The following WDR19 variants were observed in gnomAD, a reference collection of about 807,000 sequenced individuals.
WDR19 encodes the protein WD repeat domain 19.
In WDR19, 121 loss-of-function variants were observed where a neutral mutation model predicts 180.0. The ratio of observed to expected loss-of-function variants is 0.67; its 90% CI spans 0.58 to 0.78. WDR19 has a LOEUF of 0.78. WDR19 is among the 30% of genes least tolerant of loss of function. The pLI is 0.00. For synonymous variants in WDR19, 497 were observed against 540.7 expected (o/e 0.92, Z 1.12); for missense variants, 1,450 against 1,640.7 (o/e 0.88, Z 2.01).
At chr4:39,266,810 G>T (rs571544236) in intron 29 of WDR19, among the ~76,000 whole-genome samples, 1 of 152,218 alleles carries the variant, frequency 6.6e-6, no homozygotes, top group African/African-American at 2.4e-5. Flanking sequence ...TTGGCCAGGC[G>T]CGGTGTCTCA....
chr4:39,195,002 T>C (rs1181053861), intron 5 of WDR19, among the ~76,000 whole-genome samples: 1 of 152,252 alleles, frequency 6.6e-6, no homozygotes, highest in Non-Finnish European at 1.5e-5. Context: ...ATATGTGCTA[T>C]TTTTGTTATT....
At chr4:39,196,350 A>AAGT (rs1726749051) in intron 5 of WDR19, among the ~76,000 whole-genome samples, 1 of 152,200 alleles carries the variant, frequency 6.6e-6, no homozygotes, top group Non-Finnish European at 1.5e-5. Context: ...TGAGGTGTCT[A>AAGT]GTATACACTT....
At chr4:39,223,424 G>A (rs1441518654) in intron 14 of WDR19, among the ~76,000 whole-genome samples, 2 of 152,170 alleles carry the variant, frequency 1.3e-5, no homozygotes, top group African/African-American at 4.8e-5. Context: ...TCCACTTCCT[G>A]GGTTCAAGAG....
intron 24 of WDR19, among the ~76,000 whole-genome samples, chr4:39,248,041 A>G (rs941844176): frequency 1.4e-4 from 21 of 152,216 alleles, no homozygotes; most frequent in Non-Finnish European, 2.6e-4. Flanking sequence ...CAACTCCAAG[A>G]CACATAATTG....
chr4:39,229,626 T>C (rs1730635073), intron 17 of WDR19, among the ~76,000 whole-genome samples: 1 of 152,202 alleles, frequency 6.6e-6, no homozygotes, highest in South Asian at 2.1e-4. Context: ...CGAGCCTCTC[T>C]TAAATGCTGC....
At chr4:39,225,761 A>G (rs938024438) in intron 15 of WDR19, among the ~76,000 whole-genome samples, 2 of 152,012 alleles carry the variant, frequency 1.3e-5, no homozygotes, top group African/African-American at 4.8e-5. Flanking sequence ...TTCACTTGAT[A>G]CAAAGACTTA....
chr4:39,251,642 A>G (rs1733199661), intron 24 of WDR19, among the ~76,000 whole-genome samples: 1 of 152,202 alleles, frequency 6.6e-6, no homozygotes, highest in African/African-American at 2.4e-5. Flanking sequence ...CAGAATCTAC[A>G]AAGAACTCAA....
intron 36 of WDR19, among the ~76,000 whole-genome samples, chr4:39,280,123 T>TG: frequency 9.7e-6 from 1 of 103,074 alleles, no homozygotes; most frequent in South Asian, 4.2e-4. Flanking sequence ...TTTCTTGTTT[T>TG]TTTTTTTTTT....
chr4:39,217,032 C>A, intron 12 of WDR19, 102 bp from the exon 13 acceptor site: 1 of 670,940 alleles, frequency 1.5e-6, no homozygotes, highest in Non-Finnish European at 2.5e-6. Context: ...ATTTTAAGTT[C>A]AGAATATTTT....
chr4:39,186,631 A>G, intron 3 of WDR19, 27 bp downstream of exon 3: 1 of 1,485,568 alleles, frequency 6.7e-7, no homozygotes, highest in Non-Finnish European at 9.0e-7. Context: ...ATTTAAAAAA[A>G]CCTGTCAAGT....
At chr4:39,183,730 G>A (rs1725219804) in intron 1 of WDR19, among the ~76,000 whole-genome samples, 1 of 152,092 alleles carries the variant, frequency 6.6e-6, no homozygotes, top group South Asian at 2.1e-4. Flanking sequence ...AGAATTTTTT[G>A]CTGGAGGCAA....
intron 36 of WDR19, among the ~76,000 whole-genome samples, chr4:39,282,521 C>T (rs1035238753): frequency 1.3e-5 from 2 of 152,134 alleles, no homozygotes; most frequent in African/African-American, 2.4e-5. Context: ...CCTCAGCCCC[C>T]CAAGAAGCTG....
At chr4:39,245,636 G>A (rs1289727349) in intron 24 of WDR19, among the ~76,000 whole-genome samples, 184 bp downstream of exon 24, 1 of 152,114 alleles carries the variant, frequency 6.6e-6, no homozygotes, top group African/African-American at 2.4e-5. Flanking sequence ...TACTTCAAGT[G>A]TTTCCTTTAC....
chr4:39,274,206 G>C (rs948707340), intron 32 of WDR19: 1 of 152,502 alleles, frequency 6.6e-6, no homozygotes, highest in Admixed American at 6.5e-5. Context: ...TGGTCCATGG[G>C]TCATAATTGG....
chr4:39,248,679 C>CA (rs557161657), intron 24 of WDR19, among the ~76,000 whole-genome samples: 19 of 150,818 alleles, frequency 1.3e-4, no homozygotes, highest in African/African-American at 3.4e-4. Flanking sequence ...AAATGGAAAA[C>CA]AAAAAAAAGG....
chr4:39,237,461 G>A (rs1208749608), intron 20 of WDR19, among the ~76,000 whole-genome samples: 1 of 152,090 alleles, frequency 6.6e-6, no homozygotes, highest in Non-Finnish European at 1.5e-5. Context: ...AGCTGCTAGA[G>A]AGGTTGAGGT....
rs1316022680 is a variant in WDR19 at position 39,284,549 on chromosome 4, G to A, written c.*14-938G>A. On this transcript the variant is annotated intron_variant, in intron 36 of 36. Coordinates refer to ENST00000399820, the MANE Select transcript of WDR19 (RefSeq NM_025132.4). Reference sequence around the variant, plus strand: ...ACATGGGGTCTCACTATGTTGCCCAGGCTGGTCTTGAACTCCTGGACTCAA... The same window carrying A: ...ACATGGGGTCTCACTATGTTGCCCAAGCTGGTCTTGAACTCCTGGACTCAA... 3.4e-5 allele frequency among the ~76,000 whole-genome samples: 5 copies of A among 147,384 alleles called. No homozygotes were observed. In the East Asian group the frequency reaches 9.9e-4, roughly 29 times the overall value.
At chr4:39,276,690 G>A (rs1187023481) in intron 33 of WDR19, among the ~76,000 whole-genome samples, 1 of 152,132 alleles carries the variant, frequency 6.6e-6, no homozygotes, top group African/African-American at 2.4e-5. Flanking sequence ...GAGAGACAGA[G>A]GGAAAATACC....
intron 27 of WDR19, 48 bp from the exon 28 acceptor site, chr4:39,257,438 A>C (rs1733870068): frequency 6.7e-7 from 1 of 1,503,540 alleles, no homozygotes; most frequent in Non-Finnish European, 9.1e-7. Context: ...GTTTTCCCTA[A>C]TGTGAAAACA....
Sources: gnomAD v4.1 joint callset for allele counts (sites outside exome capture counted in the v4.1 genomes callset) on GRCh38, gnomAD v4.1.1 for gene constraint, MANE v1.5 for transcripts, NCBI Gene and HGNC (gene_info 2026-07-23, HGNC 2026-07-21) for gene names.